LCORL: variants seen among roughly 807,000 people sequenced by gnomAD.
LCORL encodes the protein ligand-dependent nuclear receptor corepressor-like protein.
A neutral mutation model predicts 141.8 loss-of-function variants in LCORL; 41 were observed. The observed-to-expected ratio is 0.29, with a 90% CI of 0.23 to 0.38. The LOEUF is 0.38. Among genes scored for constraint, LCORL ranks in the 10% least tolerant of loss-of-function variants. The pLI is 1.00. For synonymous variants in LCORL, 618 were observed against 694.1 expected, an observed-to-expected ratio of 0.89 and a Z score of 1.72; for missense variants, 1,759 against 2,035.0, an observed-to-expected ratio of 0.86 and a Z score of 2.61.
chr4:17,895,460 T>C (rs1290803556), intron 5 of LCORL, among the ~76,000 whole-genome samples: 1 of 152,220 alleles, frequency 6.6e-6, no homozygotes, highest in Non-Finnish European at 1.5e-5. Context: ...GTCCTCCAGT[T>C]TCATCCACGT....
At chr4:17,898,884 T>A (rs1039857474) in intron 5 of LCORL, among the ~76,000 whole-genome samples, 1 of 152,190 alleles carries the variant, frequency 6.6e-6, no homozygotes, top group Non-Finnish European at 1.5e-5. Flanking sequence ...TTATAAAATG[T>A]AAGATACTGT....
intron 4 of LCORL, among the ~76,000 whole-genome samples, chr4:17,939,993 C>CAT (rs1553873800): frequency 1.3e-5 from 2 of 149,334 alleles, no homozygotes; most frequent in South Asian, 2.1e-4. Flanking sequence ...ACTATATATG[C>CAT]ATATATACAC....
intron 2 of LCORL, among the ~76,000 whole-genome samples, chr4:17,972,077 T>G (rs1716063894): frequency 6.6e-6 from 1 of 151,812 alleles, no homozygotes; most frequent in African/African-American, 2.4e-5. Context: ...AGGCTCTATT[T>G]AATTTTGAAA....
intron 7 of LCORL, among the ~76,000 whole-genome samples, chr4:17,871,045 C>T (rs1417851313): frequency 6.6e-6 from 1 of 151,970 alleles, no homozygotes; most frequent in Non-Finnish European, 1.5e-5. Context: ...TCTCTTAAGT[C>T]TCCAGTCAGT....
intron 7 of LCORL, among the ~76,000 whole-genome samples, chr4:17,853,171 C>T (rs1723971751): frequency 6.6e-6 from 1 of 151,664 alleles, no homozygotes; most frequent in African/African-American, 2.4e-5. Context: ...GTCTCCAGGG[C>T]CTATGATCTA....
chr4:17,968,904 A>G (rs1715423502), intron 2 of LCORL, among the ~76,000 whole-genome samples: 1 of 152,244 alleles, frequency 6.6e-6, no homozygotes, highest in African/African-American at 2.4e-5. Flanking sequence ...CAAATCTCTG[A>G]TACAAATAAT....
chr4:17,935,536 C>G (rs888999196), intron 4 of LCORL, among the ~76,000 whole-genome samples: 1 of 152,138 alleles, frequency 6.6e-6, no homozygotes, highest in Non-Finnish European at 1.5e-5. Context: ...TTCTCACTCT[C>G]TGGGTTCATG....
chr4:17,941,759 C>T (rs1033141795), intron 4 of LCORL, among the ~76,000 whole-genome samples: 2 of 152,060 alleles, frequency 1.3e-5, no homozygotes, highest in Non-Finnish European at 2.9e-5. Flanking sequence ...GATACATTAC[C>T]CCAATGTTCA....
intron 3 of LCORL, 90 bp downstream of exon 3, chr4:17,962,880 C>A (rs2109607292): frequency 1.7e-6 from 1 of 602,750 alleles, no homozygotes; most frequent in East Asian, 3.2e-5. Flanking sequence ...CACTGTGAGT[C>A]ACAAATTTTC....
chr4:17,999,703 C>T (rs1034548051), intron 1 of LCORL, among the ~76,000 whole-genome samples: 5 of 152,094 alleles, frequency 3.3e-5, no homozygotes, highest in African/African-American at 7.2e-5. Flanking sequence ...CTAAATTCAG[C>T]GACAATTTGG....
chr4:17,941,708 C>T (rs1737990843), intron 4 of LCORL, among the ~76,000 whole-genome samples: 1 of 152,106 alleles, frequency 6.6e-6, no homozygotes, highest in Non-Finnish European at 1.5e-5. Flanking sequence ...AAGGGTAAAC[C>T]ATTTTCTTCT....
exon 8 of LCORL, chr4:17,845,658 A>C (rs16895878): frequency 0.13 from 147,360 of 1,172,896 alleles, 10,339 homozygotes; most frequent in South Asian, 0.23. Flanking sequence ...CAATTGATAA[A>C]TGCTTATTGT....
chr4:17,913,933 A>C (rs1732974025), intron 4 of LCORL, among the ~76,000 whole-genome samples: 1 of 152,236 alleles, frequency 6.6e-6, no homozygotes, highest in African/African-American at 2.4e-5. Context: ...TATGTTGGGA[A>C]ATAAACTTTG....
At chr4:17,990,069 C>A (rs562536755) in intron 1 of LCORL, among the ~76,000 whole-genome samples, 9 of 151,362 alleles carry the variant, frequency 5.9e-5, no homozygotes, top group Non-Finnish European at 1.3e-4. Context: ...TCTTCTACCA[C>A]CAGCAGAAAA....
At chr4:17,975,920 T>G (rs1716869325) in intron 1 of LCORL, among the ~76,000 whole-genome samples, 1 of 152,198 alleles carries the variant, frequency 6.6e-6, no homozygotes, top group African/African-American at 2.4e-5. Context: ...TTATCTCTCA[T>G]GATTTTCTGT....
chr4:18,008,904 T>C (rs1383105403), intron 1 of LCORL, among the ~76,000 whole-genome samples: 1 of 152,184 alleles, frequency 6.6e-6, no homozygotes, highest in Non-Finnish European at 1.5e-5. Context: ...GTTTTAAGTA[T>C]AGTAAGGAAG....
chr4:17,912,498 C>G (rs950063441), intron 4 of LCORL: 4 of 505,058 alleles, frequency 7.9e-6, no homozygotes, highest in African/African-American at 3.8e-5. Flanking sequence ...AGGAACTAGA[C>G]AGGTTACTGG....
At chr4:17,982,620 A>T (rs1315746484) in intron 1 of LCORL, among the ~76,000 whole-genome samples, 1 of 151,630 alleles carries the variant, frequency 6.6e-6, no homozygotes, top group Non-Finnish European at 1.5e-5. Context: ...TTTAATGGAA[A>T]TTTTTTTTCT....
intron 7 of LCORL, among the ~76,000 whole-genome samples, chr4:17,863,978 A>G (rs1410400566): frequency 6.6e-6 from 1 of 152,174 alleles, no homozygotes; most frequent in African/African-American, 2.4e-5. Context: ...AGAGAACAAC[A>G]GAAAGCAGGG....
Sources: gnomAD v4.1 joint callset for allele counts (sites outside exome capture counted in the v4.1 genomes callset) on GRCh38, gnomAD v4.1.1 for gene constraint, MANE v1.5 for transcripts, NCBI Gene and HGNC (gene_info 2026-07-23, HGNC 2026-07-21) for gene names.